RPF2: variants seen among roughly 807,000 people sequenced by gnomAD.
RPF2 encodes the protein brix domain containing 1.
A neutral mutation model predicts 38.9 loss-of-function variants in RPF2; 21 were observed. The ratio of observed to expected loss-of-function variants is 0.54; its 90% CI spans 0.38 to 0.78. RPF2 has a LOEUF of 0.78. Ranked by LOEUF, RPF2 falls within the 30% of genes least tolerant of loss-of-function variation. RPF2 has a pLI of 0.00. For missense variants in RPF2, 314 were observed against 358.1 expected (o/e 0.88, Z 0.99); for synonymous variants, 121 against 126.2 (o/e 0.96, Z 0.28).
chr6:110,999,946 C>A (rs1017420158), intron 6 of RPF2, among the ~76,000 whole-genome samples, 159 bp downstream of exon 6: 3 of 152,012 alleles, frequency 2.0e-5, no homozygotes, highest in Non-Finnish European at 4.4e-5. Context: ...TTTTACCTTT[C>A]TTTTAAAAAG....
chr6:110,983,795 G>T (rs1771472961), intron 1 of RPF2, among the ~76,000 whole-genome samples: 1 of 139,596 alleles, frequency 7.2e-6, no homozygotes. Context: ...GGAGGCTGAG[G>T]CGGGGGGGTG....
chr6:111,017,994 C>T (rs1460111439), intron 8 of RPF2, among the ~76,000 whole-genome samples: 3 of 152,120 alleles, frequency 2.0e-5, no homozygotes, highest in East Asian at 1.9e-4. Context: ...GCAGATCACT[C>T]GCGGTTAGGA....
chr6:111,016,683 C>T lies in RPF2; in HGVS notation c.596+827C>T, dbSNP rs199524430. ...GTAATTGTGGTTCTTTTTTTTTTTTCTTTCTTTTTTTTTTTTTTAATTGAT... is the reference window on the plus strand; with the variant it reads ...GTAATTGTGGTTCTTTTTTTTTTTTTTTTCTTTTTTTTTTTTTTAATTGAT... On this transcript the variant is annotated intron_variant, in intron 8 of 9. Transcript: ENST00000441448. 6.1e-3 allele frequency among the ~76,000 whole-genome samples: 642 copies of T among 104,916 alleles called. 1 individual carries two copies. Among genetic ancestry groups the T allele is most frequent in the East Asian group, 0.027 (61 of 2,294 alleles). The allele number at this position is 104,916 out of a possible 152,430, so 68.8% of individuals were successfully genotyped here.
intron 4 of RPF2, among the ~76,000 whole-genome samples, chr6:110,993,436 G>A (rs542703536): frequency 7.2e-5 from 11 of 152,070 alleles, no homozygotes; most frequent in African/African-American, 2.7e-4. Context: ...ATTTTACTCA[G>A]TTTTTTTCAA....
At chr6:110,995,623 ATGT>A (rs1302329030) in intron 4 of RPF2, among the ~76,000 whole-genome samples, 1 of 152,196 alleles carries the variant, frequency 6.6e-6, no homozygotes, top group Non-Finnish European at 1.5e-5. Flanking sequence ...GGACTAAAAC[ATGT>A]TGATTCTAAT....
At chr6:111,003,930 A>C (rs537169042) in intron 6 of RPF2, among the ~76,000 whole-genome samples, 1 of 151,712 alleles carries the variant, frequency 6.6e-6, no homozygotes, top group Non-Finnish European at 1.5e-5. Flanking sequence ...CTCCTGCCTC[A>C]GCCTTCCGAG....
At position 111,026,017 on chromosome 6, in the gene RPF2, A is replaced by ACTTTT. The variant is rs60209136; in HGVS notation, c.*436_*440dup. 41,615 of 152,116 alleles carry ACTTTT rather than the reference A, an allele frequency of 0.27. 6,024 individuals carry two copies. The highest frequency in any genetic ancestry group is 0.39 in the African/African-American group (16,129 of 41,304). The allele number at this position is 152,116 out of a possible 1,614,324, so 9.4% of individuals were successfully genotyped here. A position where few individuals can be genotyped will look rare whatever the true frequency, so the allele number is the denominator to read the frequency against. ...ATCTACATTCTGATTTTTATTTTCT[A>ACTTTT]CTTTTATTTTGCCTGAAATCCTACT... On this transcript the variant is annotated 3_prime_UTR_variant, in exon 10 of 10. Transcript: ENST00000441448.
At position 110,982,427 on chromosome 6, in the gene RPF2, G is replaced by A. The variant is rs144723201; in HGVS notation, c.23+298G>A. The A allele has an allele frequency of 4.5e-4, 207 of 463,212 alleles. 1 individual carries two copies. Among genetic ancestry groups the A allele is most frequent in the African/African-American group, 3.8e-3 (189 of 49,838 alleles). The allele number at this position is 463,212 out of a possible 1,614,324, so 28.7% of individuals were successfully genotyped here. On this transcript the variant is annotated intron_variant, in intron 1 of 9. Coordinates refer to ENST00000441448, the MANE Select transcript of RPF2 (RefSeq NM_032194.3). Reference sequence around the variant, plus strand: ...AGTATGAGACAGATGGTATAGTGGGGTTAGGAGCACAGCCCTCGGAATCCG... The same window carrying A: ...AGTATGAGACAGATGGTATAGTGGGATTAGGAGCACAGCCCTCGGAATCCG...
intron 2 of RPF2, among the ~76,000 whole-genome samples, chr6:110,987,693 G>A (rs1771547207): frequency 6.6e-6 from 1 of 152,166 alleles, no homozygotes; most frequent in Non-Finnish European, 1.5e-5. Context: ...ACTTAAAAAG[G>A]TAGATTTTAC....
chr6:111,002,405 A>T (rs1771825074), intron 6 of RPF2, among the ~76,000 whole-genome samples: 2 of 152,178 alleles, frequency 1.3e-5, no homozygotes, highest in Non-Finnish European at 2.9e-5. Flanking sequence ...CAGTGGTGGG[A>T]TCACCGCTCA....
At chr6:111,022,984 C>T (rs569958798) in intron 8 of RPF2, among the ~76,000 whole-genome samples, 15 of 152,342 alleles carry the variant, frequency 9.8e-5, no homozygotes, top group East Asian at 9.6e-4. Flanking sequence ...CTGCAACCTC[C>T]GCCTCCTGGG....
At chr6:111,023,724 A>C (rs1471294131) in intron 8 of RPF2, among the ~76,000 whole-genome samples, 1 of 152,206 alleles carries the variant, frequency 6.6e-6, no homozygotes, top group Non-Finnish European at 1.5e-5. Flanking sequence ...ATGGTGGCTC[A>C]TGCCTGTAAT....
chr6:110,994,744 C>T lies in RPF2; in HGVS notation c.235-2439C>T, dbSNP rs944490108. On this transcript the variant is annotated intron_variant, in intron 4 of 9. Transcript: ENST00000441448. Reference sequence around the variant, plus strand: ...TGGGATGAGTATATATACACACACACACACACACACACACACACACACACA... The same window carrying T: ...TGGGATGAGTATATATACACACACATACACACACACACACACACACACACA... Among the ~76,000 whole-genome samples, 2,619 of 112,030 alleles carry T rather than the reference C, an allele frequency of 0.023. 333 individuals carry two copies. In the East Asian group the frequency reaches 0.44, roughly 19 times the overall value. The allele number at this position is 112,030 out of a possible 152,430, so 73.5% of individuals were successfully genotyped here. A position where few individuals can be genotyped will look rare whatever the true frequency, so the allele number is the denominator to read the frequency against.
At chr6:110,993,864 A>G (rs1335022795) in intron 4 of RPF2, among the ~76,000 whole-genome samples, 4 of 152,166 alleles carry the variant, frequency 2.6e-5, no homozygotes, top group South Asian at 2.1e-4. Flanking sequence ...TTTTTTTACT[A>G]CAATCTTGGA....
At chr6:111,009,488 A>G (rs981933891) in intron 7 of RPF2, among the ~76,000 whole-genome samples, 7 of 151,920 alleles carry the variant, frequency 4.6e-5, no homozygotes, top group Admixed American at 2.0e-4. Context: ...CCACTGCGAC[A>G]GGCCCTGGCT....
intron 6 of RPF2, among the ~76,000 whole-genome samples, chr6:111,007,525 C>T (rs1771932752): frequency 6.6e-6 from 1 of 151,744 alleles, no homozygotes; most frequent in African/African-American, 2.4e-5. Flanking sequence ...ACAGCGAGAC[C>T]CTGTCTCTTT....
intron 8 of RPF2, among the ~76,000 whole-genome samples, chr6:111,020,563 T>C (rs1442397708): frequency 1.3e-5 from 2 of 152,140 alleles, no homozygotes; most frequent in Non-Finnish European, 2.9e-5. Context: ...AGTCAGACTT[T>C]AGAGCAAGAA....
intron 4 of RPF2, among the ~76,000 whole-genome samples, chr6:110,992,206 C>T (rs1000804510): frequency 4.7e-4 from 72 of 151,862 alleles, no homozygotes; most frequent in South Asian, 2.1e-4. Context: ...GCTACTAAGG[C>T]GGCTGAGGCA....
At position 111,007,909 on chromosome 6, in the gene RPF2, T is replaced by C. The variant is rs535641111; in HGVS notation, c.394-129T>C. 371 of 1,093,316 alleles carry C rather than the reference T, an allele frequency of 3.4e-4. 3 individuals carry two copies. The South Asian group carries it at 7.5e-3, about 22-fold the overall frequency. 67.7% of individuals were successfully genotyped at this position (1,093,316 alleles called of 1,614,324 possible). On this transcript the variant is annotated intron_variant, in intron 6 of 9. Transcript: ENST00000441448. ...TTGCAGTGAGCTGAGATTGTGCCAC[T>C]GCACTCCAGCCTGGATGACAGAGTG...
Sources: gnomAD v4.1 joint callset for allele counts (sites outside exome capture counted in the v4.1 genomes callset) on GRCh38, gnomAD v4.1.1 for gene constraint, MANE v1.5 for transcripts, NCBI Gene and HGNC (gene_info 2026-07-23, HGNC 2026-07-21) for gene names.